Variants in CNOT4 observed in about 807,000 individuals in gnomAD.
The protein encoded by CNOT4 is CCR4-associated factor 4.
A neutral mutation model predicts 73.8 loss-of-function variants in CNOT4; 8 were observed. That is an observed-to-expected ratio of 0.11 (90% CI 0.06 to 0.20). CNOT4 has a LOEUF of 0.20. CNOT4 is among the 10% of genes least tolerant of loss of function. The pLI, the probability that CNOT4 is intolerant of heterozygous loss-of-function variation, is 1.00. For missense variants in CNOT4, 564 were observed against 883.4 expected, an observed-to-expected ratio of 0.64 and a Z score of 4.58; for synonymous variants, 293 against 321.1, an observed-to-expected ratio of 0.91 and a Z score of 0.94.
At position 135,483,229 on chromosome 7, in the gene CNOT4, T is replaced by C. The variant is rs543373142; in HGVS notation, c.-93+26660A>G. On this transcript the variant is annotated intron_variant, in intron 1 of 11. Transcript: ENST00000541284. ...GCCACATGCCTGTACTCCCAGCTAC[T>C]CTGGAGGCTGAGGTGGGAAGATTGC... 9.3e-4 allele frequency among the ~76,000 whole-genome samples: 141 copies of C among 150,982 alleles called. 1 individual carries two copies. Among genetic ancestry groups the C allele is most frequent in the African/African-American group, 3.3e-3 (135 of 41,118 alleles).
chr7:135,473,291 T>C (rs1801758524), intron 1 of CNOT4, among the ~76,000 whole-genome samples: 1 of 152,122 alleles, frequency 6.6e-6, no homozygotes, highest in Non-Finnish European at 1.5e-5. Flanking sequence ...TCTTAAGTTA[T>C]TTACAATTTA....
At chr7:135,477,409 C>T (rs1802064949) in intron 1 of CNOT4, among the ~76,000 whole-genome samples, 1 of 152,006 alleles carries the variant, frequency 6.6e-6, no homozygotes, top group African/African-American at 2.4e-5. Flanking sequence ...AATAAAAGGA[C>T]ACCCATTAAC....
chr7:135,365,185 T>C (rs1794847715), intron 10 of CNOT4, among the ~76,000 whole-genome samples: 2 of 152,220 alleles, frequency 1.3e-5, no homozygotes, highest in Admixed American at 6.5e-5. Context: ...AATTATATCA[T>C]GTTTCAACAA....
chr7:135,416,713 A>C (rs995611935), intron 3 of CNOT4, among the ~76,000 whole-genome samples: 8 of 152,296 alleles, frequency 5.3e-5, no homozygotes, highest in Admixed American at 1.3e-4. Context: ...CTGCATCAGC[A>C]TCATAGGTTT....
intron 1 of CNOT4, among the ~76,000 whole-genome samples, chr7:135,454,442 T>C (rs1585669519): frequency 6.6e-6 from 1 of 151,658 alleles, no homozygotes; most frequent in African/African-American, 2.4e-5. Context: ...TCGCTTGAGC[T>C]CAAGAGTTAA....
chr7:135,504,127 C>T (rs1307285717), intron 1 of CNOT4, among the ~76,000 whole-genome samples: 2 of 152,106 alleles, frequency 1.3e-5, no homozygotes, highest in African/African-American at 2.4e-5. Flanking sequence ...GAAAAACATG[C>T]TCAGAAAATT....
chr7:135,439,093 C>T (rs1199331604), intron 1 of CNOT4, among the ~76,000 whole-genome samples: 1 of 152,094 alleles, frequency 6.6e-6, no homozygotes, highest in African/African-American at 2.4e-5. Flanking sequence ...ATCACAAACA[C>T]TTTTTGAAAA....
intron 1 of CNOT4, among the ~76,000 whole-genome samples, chr7:135,441,468 G>C (rs1799476974): frequency 6.7e-6 from 1 of 149,926 alleles, no homozygotes; most frequent in Non-Finnish European, 1.5e-5. Context: ...TATACAGTTA[G>C]GAGTTTAAAG....
chr7:135,428,802 T>TAAAA (rs1798658602), intron 2 of CNOT4, among the ~76,000 whole-genome samples: 1 of 152,176 alleles, frequency 6.6e-6, no homozygotes, highest in Non-Finnish European at 1.5e-5. Flanking sequence ...GCTTAATTTT[T>TAAAA]ATCTTGAACT....
chr7:135,383,566 T>C (rs755098622), intron 10 of CNOT4, among the ~76,000 whole-genome samples: 3 of 152,248 alleles, frequency 2.0e-5, no homozygotes, highest in Non-Finnish European at 2.9e-5. Flanking sequence ...ATTGCTTCCA[T>C]GCTTTCTACA....
At chr7:135,497,183 G>A (rs1201610495) in intron 1 of CNOT4, among the ~76,000 whole-genome samples, 9 of 151,908 alleles carry the variant, frequency 5.9e-5, no homozygotes, top group South Asian at 2.1e-4. Context: ...CGAGGCAGGC[G>A]GATTGCTTGA....
intron 2 of CNOT4, among the ~76,000 whole-genome samples, chr7:135,423,095 CTG>C (rs1798278927): frequency 1.3e-5 from 2 of 152,094 alleles, no homozygotes; most frequent in Non-Finnish European, 2.9e-5. Context: ...GTGATTAACA[CTG>C]TGTCCTACAT....
At chr7:135,432,471 T>C (rs547866694) in intron 2 of CNOT4, among the ~76,000 whole-genome samples, 1 of 152,350 alleles carries the variant, frequency 6.6e-6, no homozygotes, top group African/African-American at 2.4e-5. Flanking sequence ...ACTGGCAAAA[T>C]GGTCTCACAA....
chr7:135,460,764 C>T (rs189490564), intron 1 of CNOT4, among the ~76,000 whole-genome samples: 6 of 151,892 alleles, frequency 4.0e-5, no homozygotes, highest in African/African-American at 1.4e-4. Context: ...CACAAACCTT[C>T]AATTTGAAAA....
intron 1 of CNOT4, among the ~76,000 whole-genome samples, chr7:135,495,632 T>G: frequency 7.5e-6 from 1 of 132,462 alleles, no homozygotes; most frequent in African/African-American, 2.9e-5. Flanking sequence ...ATCTCGCCAC[T>G]GCACTCCAGC....
Position 135,422,372 on chromosome 7 carries a change from CAT to C in CNOT4, c.175-21_175-20del, listed in dbSNP as rs1798238955. 1 of 1,149,720 alleles carries C rather than the reference CAT, an allele frequency of 8.7e-7. No homozygotes were observed. Among genetic ancestry groups the C allele is most frequent in the Non-Finnish European group, 1.3e-6 (1 of 763,608 alleles). The allele number at this position is 1,149,720 out of a possible 1,614,324, so 71.2% of individuals were successfully genotyped here. A position where few individuals can be genotyped will look rare whatever the true frequency, so the allele number is the denominator to read the frequency against. On this transcript the variant is annotated intron_variant, in intron 2 of 11. Coordinates refer to ENST00000541284, the MANE Select transcript of CNOT4 (RefSeq NM_001190850.2). Reference sequence around the variant, plus strand: ...GATATGGCTTTAAGCATGAAACAAACATAGACGTTAGCATTAAATTAATTAAA... The same window carrying C: ...GATATGGCTTTAAGCATGAAACAAACAGACGTTAGCATTAAATTAATTAAA...
chr7:135,426,597 C>T (rs1029103577), intron 2 of CNOT4, among the ~76,000 whole-genome samples: 8 of 112,678 alleles, frequency 7.1e-5, no homozygotes, highest in Non-Finnish European at 1.2e-4. Context: ...AGCAAGACTC[C>T]GTCTCAAAAA....
intron 10 of CNOT4, among the ~76,000 whole-genome samples, chr7:135,382,276 T>C (rs1795886897): frequency 6.6e-6 from 1 of 152,108 alleles, no homozygotes; most frequent in African/African-American, 2.4e-5. Context: ...GAGTGATTCT[T>C]TGGAAATAGC....
At chr7:135,426,693 C>T (rs1798523486) in intron 2 of CNOT4, among the ~76,000 whole-genome samples, 1 of 151,356 alleles carries the variant, frequency 6.6e-6, no homozygotes, top group Admixed American at 6.6e-5. Flanking sequence ...GAGGCCGAGA[C>T]GTGTGGATCA....
Sources: gnomAD v4.1 joint callset for allele counts (sites outside exome capture counted in the v4.1 genomes callset) on GRCh38, gnomAD v4.1.1 for gene constraint, MANE v1.5 for transcripts, NCBI Gene and HGNC (gene_info 2026-07-23, HGNC 2026-07-21) for gene names.